The following RBMS1 variants were observed in gnomAD, a reference collection of about 807,000 sequenced individuals.
The protein encoded by RBMS1 is RNA-binding motif, single-stranded-interacting protein 1.
A neutral mutation model predicts 62.3 loss-of-function variants in RBMS1; 17 were observed. The observed-to-expected ratio is 0.27, with a 90% CI of 0.19 to 0.41. The LOEUF is 0.41. RBMS1 is among the 10% of genes least tolerant of loss of function. The pLI, the probability that RBMS1 is intolerant of heterozygous loss-of-function variation, is 1.00. For synonymous variants in RBMS1, 172 were observed against 170.0 expected (o/e 1.01, Z -0.09); for missense variants, 334 against 504.5 (o/e 0.66, Z 3.24).
chr2:160,476,596 C>G (rs1327331015), intron 1 of RBMS1, among the ~76,000 whole-genome samples: 2 of 143,702 alleles, frequency 1.4e-5, no homozygotes, highest in Non-Finnish European at 3.0e-5. Context: ...GCTCTGTCGC[C>G]CAGGCTGGAG....
chr2:160,445,742 A>G (rs542119373), intron 1 of RBMS1, among the ~76,000 whole-genome samples: 13 of 152,340 alleles, frequency 8.5e-5, no homozygotes, highest in African/African-American at 3.1e-4. Context: ...ATCCCCATCC[A>G]TCAGTTCAGA....
intron 1 of RBMS1, among the ~76,000 whole-genome samples, chr2:160,400,581 T>C (rs1695383776): frequency 6.6e-6 from 1 of 152,150 alleles, no homozygotes; most frequent in Non-Finnish European, 1.5e-5. Flanking sequence ...AATGCCTCTA[T>C]ATTTAGAATA....
chr2:160,440,863 G>A (rs1455089825), intron 1 of RBMS1, among the ~76,000 whole-genome samples: 2 of 152,180 alleles, frequency 1.3e-5, no homozygotes, highest in African/African-American at 4.8e-5. Flanking sequence ...GCAGGGGAAG[G>A]TAGATTGTTT....
chr2:160,288,414 T>C (rs775707499), intron 6 of RBMS1, among the ~76,000 whole-genome samples: 1 of 152,172 alleles, frequency 6.6e-6, no homozygotes, highest in African/African-American at 2.4e-5. Context: ...CTTTCAACAC[T>C]TCTCTGCCAA....
intron 2 of RBMS1, among the ~76,000 whole-genome samples, chr2:160,359,711 T>A (rs1221005197): frequency 6.6e-6 from 1 of 152,200 alleles, no homozygotes; most frequent in African/African-American, 2.4e-5. Flanking sequence ...AAAAAACTAT[T>A]TAATTTATTA....
At chr2:160,311,240 A>ATCTATC (rs1553505463) in intron 4 of RBMS1, among the ~76,000 whole-genome samples, 1 of 91,482 alleles carries the variant, frequency 1.1e-5, no homozygotes, top group African/African-American at 3.5e-5. Flanking sequence ...ATCTATATAT[A>ATCTATC]TATATATATA....
intron 1 of RBMS1, among the ~76,000 whole-genome samples, chr2:160,439,219 G>A (rs906920035): frequency 6.6e-6 from 1 of 151,978 alleles, no homozygotes; most frequent in Admixed American, 6.5e-5. Context: ...CCTCTCGGAC[G>A]AGGTGGCTGC....
At chr2:160,390,750 G>A (rs1694824540) in intron 1 of RBMS1, among the ~76,000 whole-genome samples, 1 of 149,904 alleles carries the variant, frequency 6.7e-6, no homozygotes, top group African/African-American at 2.5e-5. Flanking sequence ...GTATGAACTT[G>A]CACAAAGCAG....
chr2:160,426,257 G>GAAAGAAAGAAAT, intron 1 of RBMS1, among the ~76,000 whole-genome samples: 2 of 116,050 alleles, frequency 1.7e-5, no homozygotes, highest in African/African-American at 3.4e-5. Context: ...AAGAAAGAAA[G>GAAAGAAAGAAAT]AAAGAAAGAA....
At chr2:160,347,230 G>A (rs1416249971) in intron 2 of RBMS1, among the ~76,000 whole-genome samples, 1 of 151,912 alleles carries the variant, frequency 6.6e-6, no homozygotes, top group Non-Finnish European at 1.5e-5. Flanking sequence ...GTATTCTATT[G>A]CCTCTGTAGA....
chr2:160,292,822 A>T (rs1347688548), intron 6 of RBMS1, among the ~76,000 whole-genome samples: 4 of 152,202 alleles, frequency 2.6e-5, no homozygotes, highest in Non-Finnish European at 5.9e-5. Context: ...GGACTAGAAC[A>T]CTGGCACATC....
chr2:160,372,085 T>C (rs1693753806), intron 1 of RBMS1, among the ~76,000 whole-genome samples: 1 of 152,134 alleles, frequency 6.6e-6, no homozygotes, highest in Admixed American at 6.5e-5. Flanking sequence ...AAACAAAAAC[T>C]TGTCATTTAA....
intron 2 of RBMS1, among the ~76,000 whole-genome samples, chr2:160,331,386 C>A (rs1218876620): frequency 6.6e-6 from 1 of 152,154 alleles, no homozygotes. Flanking sequence ...CCTTCCCTGG[C>A]TGAGCTGAGT....
intron 10 of RBMS1, 59 bp from the exon 11 acceptor site, chr2:160,278,717 T>G (rs1161296185): frequency 3.7e-6 from 4 of 1,077,786 alleles, no homozygotes; most frequent in Non-Finnish European, 5.4e-6. Flanking sequence ...TAAGATCCTG[T>G]AATTACTTTT....
At chr2:160,353,045 T>A (rs917702502) in intron 2 of RBMS1, among the ~76,000 whole-genome samples, 7 of 152,116 alleles carry the variant, frequency 4.6e-5, no homozygotes, top group African/African-American at 1.7e-4. Context: ...CATAAGGATT[T>A]TCCAAATGTC....
chr2:160,449,697 C>G (rs933393474), intron 1 of RBMS1, among the ~76,000 whole-genome samples: 10 of 152,096 alleles, frequency 6.6e-5, no homozygotes, highest in Non-Finnish European at 1.3e-4. Flanking sequence ...GCGGAAGGCC[C>G]TAGGGTCCTC....
intron 11 of RBMS1, chr2:160,277,855 C>A (rs1267739663): frequency 1.3e-5 from 2 of 156,972 alleles, no homozygotes; most frequent in Non-Finnish European, 2.8e-5. Flanking sequence ...GCTTTTCTGA[C>A]ACTGACAGTC....
intron 2 of RBMS1, among the ~76,000 whole-genome samples, chr2:160,324,893 T>TATATATATAG (rs1690815984): frequency 9.6e-6 from 1 of 104,578 alleles, no homozygotes; most frequent in Admixed American, 9.2e-5. Flanking sequence ...TATATATATA[T>TATATATATAG]ATATATATAT....
intron 2 of RBMS1, among the ~76,000 whole-genome samples, chr2:160,341,248 A>G (rs1691855321): frequency 6.6e-6 from 1 of 152,188 alleles, no homozygotes; most frequent in African/African-American, 2.4e-5. Context: ...TGAACACACT[A>G]TAAACTCATT....
Sources: allele counts gnomAD v4.1 joint callset (sites outside exome capture counted in the v4.1 genomes callset), GRCh38; gene constraint gnomAD v4.1.1; transcripts MANE v1.5; gene names NCBI Gene and HGNC (gene_info 2026-07-23, HGNC 2026-07-21).